Variants in ZNF646 observed in about 807,000 individuals in gnomAD.
ZNF646 encodes zinc finger protein 646.
Under a neutral mutation model 115.4 loss-of-function variants are expected in ZNF646, and 49 were observed. The observed-to-expected ratio is 0.42, with a 90% CI of 0.34 to 0.54. ZNF646 has a LOEUF of 0.54. Among genes scored for constraint, ZNF646 ranks in the 20% least tolerant of loss-of-function variants. The pLI is 0.04. For synonymous variants in ZNF646, 933 were observed against 939.0 expected (o/e 0.99, Z 0.12); for missense variants, 2,269 against 2,457.9 (o/e 0.92, Z 1.62).
Position 31,079,991 on chromosome 16 carries a change from C to G in ZNF646, c.3667C>G (p.Gln1223Glu). The change falls in exon 2 of 3, where the codon CAG becomes GAG. Residue 1223 changes from glutamine (Q) to glutamate (E), a missense_variant. Gln to Glu is a conservative substitution (Grantham distance 29). Coordinates refer to ENST00000300850, the MANE Select transcript of ZNF646 (RefSeq NM_014699.4). The surrounding 1 kb of genome is among the most constrained non-coding windows in gnomAD (Gnocchi z 5.5). ...KHAGSLINHR[Q>E]SHQTGHFGCQ... ...CGCCGGCAGCCTCATCAACCACCGG[C>G]AGAGCCACCAGACCGGCCACTTTGG... 6.2e-7 allele frequency: 1 copy of G among 1,607,222 alleles called. No individual in the cohort carries two copies. Among genetic ancestry groups the G allele is most frequent in the African/African-American group, 1.3e-5 (1 of 74,918 alleles).
chr16:31,081,922 C>T (rs1567413170), intron 2 of ZNF646: 8 of 700,986 alleles, frequency 1.1e-5, no homozygotes, highest in East Asian at 2.8e-5. Context: ...TTGGGCAGCA[C>T]GTGGGGGCGT....
intron 1 of ZNF646, chr16:31,074,835 C>CGGGGGCAGGTTCAGTGAA (rs1555499037): frequency 2.0e-5 from 3 of 151,932 alleles, no homozygotes; most frequent in African/African-American, 7.3e-5. Context: ...GTGAGAATTC[C>CGGGGGCAGGTTCAGTGAA]GGGGGCAGGT....
rs377654003 is a variant in ZNF646, at chr16:31,076,317, G to C, written c.-8G>C. 6.3e-7 allele frequency: 1 copy of C among 1,598,348 alleles called. No individual in the cohort carries two copies. The highest frequency in any genetic ancestry group is 1.1e-5 in the South Asian group (1 of 90,056). ...TTCTGAACCTCCAGGTTTCTGCTAC[G>C]TTGCCCCATGGAGGACACACCCCCC... is the stretch of plus-strand genomic sequence containing the variant. On this transcript the variant is annotated 5_prime_UTR_variant, in exon 2 of 3. Coordinates refer to ENST00000300850, the MANE Select transcript of ZNF646 (RefSeq NM_014699.4).
At position 31,084,130 on chromosome 16, in the gene ZNF646, A is replaced by T. The variant is rs921177528; in HGVS notation, c.*1038A>T. ...CCGGGGCCACATACTTATGTTGGCC[A>T]GGCAGCTTCCAGGCTCAGCCTCGGG... On this transcript the variant is annotated 3_prime_UTR_variant, in exon 3 of 3. Coordinates refer to ENST00000300850, the MANE Select transcript of ZNF646 (RefSeq NM_014699.4). 6.3e-7 allele frequency: 1 copy of T among 1,580,146 alleles called. No homozygotes were observed. Among genetic ancestry groups the T allele is most frequent in the Non-Finnish European group, 8.6e-7 (1 of 1,163,936 alleles).
In ZNF646 at chr16:31,080,637, A is replaced by G; in HGVS notation, c.4313A>G (p.Glu1438Gly). ...GAGGATGGAGTCCCAAGGCCAGGGG[A>G]GCGCAGTCAGAGCCCCATCAGGGCA... is the stretch of plus-strand genomic sequence containing the variant. Reference protein sequence around the residue: ...HLEDGVPRPGERSQSPIRAAS... With the variant: ...HLEDGVPRPGGRSQSPIRAAS... The change falls in exon 2 of 3, where the codon GAG becomes GGG. Residue 1438 changes from glutamate to glycine, a missense_variant. This residue lies in a region of ZNF646 where 1,062 missense variants were observed against 1,172.8 expected (regional missense o/e 0.91). Transcript: ENST00000300850. 6.2e-7 allele frequency: 1 copy of G among 1,614,106 alleles called. No homozygotes were observed. The highest frequency in any genetic ancestry group is 8.5e-7 in the Non-Finnish European group (1 of 1,180,010).
At position 31,080,047 on chromosome 16, in the gene ZNF646, C is replaced by T. The variant is rs539445784; in HGVS notation, c.3723C>T (p.Asn1241=). 3 of 1,610,706 alleles carry T rather than the reference C, an allele frequency of 1.9e-6. No homozygotes were observed. Among genetic ancestry groups the T allele is most frequent in the East Asian group, 2.2e-5 (1 of 44,746 alleles). Reference sequence around the variant, plus strand: ...AGGCCTGCTCCAAGGGCTTCTCAAACCTCATGTCCCTCAAGAACCACCGGC... The same window carrying T: ...AGGCCTGCTCCAAGGGCTTCTCAAATCTCATGTCCCTCAAGAACCACCGGC... ...GCQACSKGFS[N]LMSLKNHRRI... The change falls in exon 2 of 3, where the codon AAC becomes AAT. Residue 1241 remains asparagine (N), a synonymous_variant. Transcript: ENST00000300850.
chr16:31,079,066 G>A lies in ZNF646; in HGVS notation c.2742G>A (p.Glu914=). ...CCTCTGGCATGACTGAGGGCTCAGA[G>A]GAGGAGGGGGAAGAGGAAGGAGTGG... is the stretch of plus-strand genomic sequence containing the variant. ...HSSSGMTEGS[E]EEGEEEGVAE... is the part of the protein sequence containing the mutation. Residue 914 remains glutamate (E), a synonymous_variant, in exon 2 of 3, where the codon GAG becomes GAA. Coordinates refer to ENST00000300850, the MANE Select transcript of ZNF646 (RefSeq NM_014699.4). This position sits in a 1 kb window ranked among gnomAD's most constrained non-coding sequence, Gnocchi z 5.5. The A allele has an allele frequency of 6.3e-7, 1 of 1,576,410 alleles. No individual in the cohort carries two copies. The highest frequency in any genetic ancestry group is 8.6e-7 in the Non-Finnish European group (1 of 1,158,128).
Position 31,083,226 on chromosome 16 carries a change from T to C in ZNF646, c.*134T>C. The C allele has an allele frequency of 7.4e-7, 1 of 1,348,834 alleles. No individual in the cohort carries two copies. The highest frequency in any genetic ancestry group is 9.9e-7 in the Non-Finnish European group (1 of 1,012,656). 83.6% of individuals were successfully genotyped at this position (1,348,834 alleles called of 1,614,324 possible). A position where few individuals can be genotyped will look rare whatever the true frequency, so the allele number is the denominator to read the frequency against. ...TCCCCTTGTGAAGAGGACCCAGATC[T>C]GGCTTCTTTCCCAAGGAGGGGGTGG... On this transcript the variant is annotated 3_prime_UTR_variant, in exon 3 of 3. Coordinates refer to ENST00000300850, the MANE Select transcript of ZNF646 (RefSeq NM_014699.4).
intron 1 of ZNF646, among the ~76,000 whole-genome samples, chr16:31,075,037 A>G (rs2057059045): frequency 6.6e-6 from 1 of 152,210 alleles, no homozygotes; most frequent in South Asian, 2.1e-4. Flanking sequence ...CTGAGGATTG[A>G]GTAACACAAT....
Position 31,077,852 on chromosome 16 carries a change from C to G in ZNF646, c.1528C>G (p.His510Asp). The change falls in exon 2 of 3, where the codon CAC becomes GAC. Residue 510 changes from histidine to aspartate, a missense_variant. By Grantham distance (81) the His-to-Asp change is moderately conservative (BLOSUM62 -1). Around this residue, in one of 5 missense-constraint regions of ZNF646, gnomAD observed 852 missense variants for 900.2 expected, o/e 0.95. Transcript: ENST00000300850. ...CCCCAATCTCATGGCCCTGCGCAAC[C>G]ACGTGCGGGTACATTGCAAGGCTGC... ...KYPNLMALRN[H>D]VRVHCKAARR... 1 of 1,613,828 alleles carries G rather than the reference C, an allele frequency of 6.2e-7. No homozygotes were observed. The highest frequency in any genetic ancestry group is 8.5e-7 in the Non-Finnish European group (1 of 1,180,036).
Position 31,079,293 on chromosome 16 carries a change from C to A in ZNF646, c.2969C>A (p.Pro990His), listed in dbSNP as rs2057122737. 26 of 1,613,584 alleles carry A rather than the reference C, an allele frequency of 1.6e-5. No individual in the cohort carries two copies. The highest frequency in any genetic ancestry group is 2.2e-5 in the Non-Finnish European group (26 of 1,179,616). The change falls in exon 2 of 3, where the codon CCC (proline) becomes CAC (histidine). Residue 990 changes from proline to histidine, a missense_variant. Pro to His is a moderately conservative substitution (Grantham distance 77). Transcript: ENST00000300850. The surrounding 1 kb of genome is among the most constrained non-coding windows in gnomAD (Gnocchi z 5.5). Reference protein sequence around the residue: ...QSSGTTADKAPSPLGVAGDAM... With the variant: ...QSSGTTADKAHSPLGVAGDAM... ...TCTGGGACTACTGCAGACAAGGCTCCCAGCCCCTTGGGAGTGGCAGGTGAT... is the reference window on the plus strand; with the variant it reads ...TCTGGGACTACTGCAGACAAGGCTCACAGCCCCTTGGGAGTGGCAGGTGAT...
intron 1 of ZNF646, 63 bp from the exon 2 acceptor site, chr16:31,076,183 T>G (rs1482543920): frequency 6.9e-6 from 8 of 1,164,150 alleles, no homozygotes; most frequent in Non-Finnish European, 9.3e-6. Context: ...AACTTGTTGC[T>G]CGTAGAGCCA....
At chr16:31,081,899 A>C in intron 2 of ZNF646, 198 bp downstream of exon 2, 3 of 930,082 alleles carry the variant, frequency 3.2e-6, no homozygotes, top group Non-Finnish European at 4.7e-6. Flanking sequence ...GGTATAACAA[A>C]TAGCAGGGTG....
intron 2 of ZNF646, 168 bp from the exon 3 acceptor site, chr16:31,082,803 A>C: frequency 1.2e-6 from 1 of 813,554 alleles, no homozygotes; most frequent in Non-Finnish European, 1.9e-6. Context: ...GATATGAGGG[A>C]GGAGCCAGTT....
At position 31,077,592 on chromosome 16, in the gene ZNF646, A is replaced by G. The variant is rs1335170493; in HGVS notation, c.1268A>G (p.His423Arg). The change falls in exon 2 of 3, where the codon CAT becomes CGT. Residue 423 changes from histidine (H) to arginine (R), a missense_variant. Transcript: ENST00000300850. ...AAALKNHVRA[H>R]HRPRQGVGEN... The stretch of plus-strand genomic sequence containing the variant: ...GCCCTCAAAAACCATGTGCGGGCTC[A>G]TCACAGGCCCAGGCAAGGAGTTGGG... 1 of 1,613,402 alleles carries G rather than the reference A, an allele frequency of 6.2e-7. No individual in the cohort carries two copies. Among genetic ancestry groups the G allele is most frequent in the South Asian group, 1.1e-5 (1 of 91,008 alleles).
Position 31,083,769 on chromosome 16 carries a change from T to G in ZNF646, c.*677T>G. On this transcript the variant is annotated 3_prime_UTR_variant, in exon 3 of 3. Coordinates refer to ENST00000300850, the MANE Select transcript of ZNF646 (RefSeq NM_014699.4). ...TTTGCCTGCCTGCATTCTCTTGTCC[T>G]GAGAATGGCCAGGTCCCCTGTCAGC... is the stretch of plus-strand genomic sequence containing the variant. 7 of 1,614,132 alleles carry G rather than the reference T, an allele frequency of 4.3e-6. No homozygotes were observed. The highest frequency in any genetic ancestry group is 5.9e-6 in the Non-Finnish European group (7 of 1,179,992).
intron 2 of ZNF646, chr16:31,081,965 A>G (rs1274602902): frequency 5.6e-6 from 3 of 539,296 alleles, no homozygotes; most frequent in African/African-American, 1.9e-5. Flanking sequence ...GGGCTCCTCC[A>G]TTACACTGTA....
Position 31,078,494 on chromosome 16 carries a change from G to A in ZNF646, c.2170G>A (p.Glu724Lys), listed in dbSNP as rs1330182454. 2 of 1,590,012 alleles carry A rather than the reference G, an allele frequency of 1.3e-6. No individual in the cohort carries two copies. The highest frequency in any genetic ancestry group is 2.7e-5 in the African/African-American group (2 of 74,544). Residue 724 changes from glutamate to lysine, a missense_variant, in exon 2 of 3, where the codon GAA (glutamate) becomes AAA (lysine). Physicochemically the swap from Glu to Lys is moderately conservative, Grantham distance 56. Around this residue, in one of 5 missense-constraint regions of ZNF646, gnomAD observed 852 missense variants for 900.2 expected, o/e 0.95. Coordinates refer to ENST00000300850, the MANE Select transcript of ZNF646 (RefSeq NM_014699.4). ...ESPHGAEGNL[E>K]SDGDCLQAES... Reference sequence around the variant, plus strand: ...TCCTCATGGGGCTGAAGGCAACCTGGAAAGTGATGGGGACTGTTTGCAGGC... The same window carrying A: ...TCCTCATGGGGCTGAAGGCAACCTGAAAAGTGATGGGGACTGTTTGCAGGC...
rs575505657 is a variant in ZNF646, at chr16:31,081,991, T to G, written c.5377+290T>G. 4.1e-4 allele frequency: 193 copies of G among 474,226 alleles called. 1 individual carries two copies. The highest frequency in any genetic ancestry group is 8.3e-4 in the Admixed American group (22 of 26,370). 29.4% of individuals were successfully genotyped at this position (474,226 alleles called of 1,614,324 possible). The stretch of plus-strand genomic sequence containing the variant: ...TTACACTGTAGCCAGAATGGAATGG[T>G]CTTTCTGTTCAGGGGAAGGTCACTG... On this transcript the variant is annotated intron_variant, in intron 2 of 2. Transcript: ENST00000300850.
Sources: allele counts gnomAD v4.1 joint callset (sites outside exome capture counted in the v4.1 genomes callset), GRCh38; gene constraint gnomAD v4.1.1; regional missense constraint gnomAD v4.1.1; non-coding constraint Gnocchi (gnomAD v3.1); transcripts MANE v1.5; gene names NCBI Gene and HGNC (gene_info 2026-07-23, HGNC 2026-07-21).